KIAA0513: variants seen among roughly 807,000 people sequenced by gnomAD.
KIAA0513 encodes KIAA0513, also known as uncharacterized protein KIAA0513.
KIAA0513 carries 39 observed loss-of-function variants against 56.5 expected under a neutral mutation model. The ratio of observed to expected loss-of-function variants is 0.69; its 90% confidence interval spans 0.53 to 0.90. The LOEUF (loss-of-function observed/expected upper bound fraction) is 0.90, where lower values mean the gene tolerates loss of function less well. Ranked by LOEUF, KIAA0513 falls within the 40% of genes least tolerant of loss-of-function variation. KIAA0513 has a pLI of 0.00. For missense variants in KIAA0513, 591 were observed against 535.2 expected (o/e 1.10, Z -1.03); for synonymous variants, 268 against 215.6 (o/e 1.24, Z -2.13).
At chr16:85,088,003 G>C (rs1025486075) in intron 12 of KIAA0513, among the ~76,000 whole-genome samples, 1 of 152,250 alleles carries the variant, frequency 6.6e-6, no homozygotes, top group African/African-American at 2.4e-5. Flanking sequence ...TTCATAAGAA[G>C]GTGCGTTTCC....
At chr16:85,058,072 C>T (rs745775245) in intron 1 of KIAA0513, among the ~76,000 whole-genome samples, 1 of 152,216 alleles carries the variant, frequency 6.6e-6, no homozygotes, top group Non-Finnish European at 1.5e-5. Context: ...TCTCCCTCCC[C>T]GGTGACTACA....
intron 1 of KIAA0513, among the ~76,000 whole-genome samples, chr16:85,030,352 G>A (rs975993396): frequency 6.6e-6 from 1 of 152,178 alleles, no homozygotes; most frequent in African/African-American, 2.4e-5. Context: ...GAGAAATGCG[G>A]TGGTTGTGAA....
rs111767607 is a variant in KIAA0513 at position 85,078,865 on chromosome 16, G to T, written c.824-60G>T. Reference sequence around the variant, plus strand: ...GGCTGCTGGGAGGCTGTCACCCGGGGTTTGCCAACAGTGGGTGCGCAACCA... The same window carrying T: ...GGCTGCTGGGAGGCTGTCACCCGGGTTTTGCCAACAGTGGGTGCGCAACCA... On this transcript the variant is annotated intron_variant, in intron 7 of 12. Transcript: ENST00000683363. 4,448 of 1,581,834 alleles carry T rather than the reference G, an allele frequency of 2.8e-3. 115 individuals are homozygous for T. In the African/African-American group the frequency reaches 0.052, roughly 19 times the overall value.
At chr16:85,070,769 C>A (rs2073561711) in intron 2 of KIAA0513, among the ~76,000 whole-genome samples, 1 of 152,156 alleles carries the variant, frequency 6.6e-6, no homozygotes, top group Non-Finnish European at 1.5e-5. Flanking sequence ...TTTGTTTGAC[C>A]AACACTGAGA....
At chr16:85,038,105 G>C (rs1329644611) in intron 1 of KIAA0513, among the ~76,000 whole-genome samples, 1 of 152,196 alleles carries the variant, frequency 6.6e-6, no homozygotes, top group African/African-American at 2.4e-5. Context: ...GCTGGTCCCT[G>C]TAGCCCTCCC....
intron 1 of KIAA0513, among the ~76,000 whole-genome samples, chr16:85,066,449 C>A (rs561559479): frequency 2.0e-4 from 30 of 152,250 alleles, no homozygotes; most frequent in Non-Finnish European, 3.8e-4. Flanking sequence ...TTGACGAGAA[C>A]AGAGCCCAGG....
At chr16:85,055,100 T>A (rs2073310000) in intron 1 of KIAA0513, among the ~76,000 whole-genome samples, 1 of 152,002 alleles carries the variant, frequency 6.6e-6, no homozygotes, top group Non-Finnish European at 1.5e-5. Flanking sequence ...TTTAGTTTAT[T>A]TTTTTTAGAG....
rs929332065 is a variant in KIAA0513 at position 85,088,552 on chromosome 16, G to A, written c.*227G>A. 8 of 563,870 alleles carry A rather than the reference G, an allele frequency of 1.4e-5. No individual in the cohort carries two copies. The African/African-American group carries it at 1.5e-4, about 11-fold the overall frequency. 34.9% of individuals were successfully genotyped at this position (563,870 alleles called of 1,614,324 possible). On this transcript the variant is annotated 3_prime_UTR_variant, in exon 13 of 13. Coordinates refer to ENST00000683363, the MANE Select transcript of KIAA0513 (RefSeq NM_001388359.1). The stretch of plus-strand genomic sequence containing the variant: ...GCCAAAGTGTCCCTTGGGTCACACA[G>A]CTAAAGCCGAGGTGACCAGTTGTAC...
intron 1 of KIAA0513, among the ~76,000 whole-genome samples, chr16:85,033,396 C>G (rs1273404859): frequency 6.6e-6 from 1 of 152,234 alleles, no homozygotes. Flanking sequence ...TGATTCCCTT[C>G]TTTTGCGTTT....
chr16:85,053,003 T>A (rs1487025353), intron 1 of KIAA0513, among the ~76,000 whole-genome samples: 1 of 152,142 alleles, frequency 6.6e-6, no homozygotes, highest in African/African-American at 2.4e-5. Flanking sequence ...TTCTCTTGCC[T>A]CAGCCTCCCA....
chr16:85,081,225 C>T lies in KIAA0513; in HGVS notation c.903-90C>T. On this transcript the variant is annotated intron_variant, in intron 8 of 12. Coordinates refer to ENST00000683363, the MANE Select transcript of KIAA0513 (RefSeq NM_001388359.1). This position sits in a 1 kb window ranked among gnomAD's most constrained non-coding sequence, Gnocchi z 4.4. ...CTTAGAAGCTCAGACAGATGTGAGA[C>T]ACTGCCCTTGTTTATCCCTCAAGGG... 1.8e-6 allele frequency: 2 copies of T among 1,135,730 alleles called. No individual in the cohort carries two copies. The highest frequency in any genetic ancestry group is 1.3e-6 in the Non-Finnish European group (1 of 748,386). The allele number at this position is 1,135,730 out of a possible 1,614,324, so 70.4% of individuals were successfully genotyped here.
At chr16:85,047,611 T>A (rs1052356506) in intron 1 of KIAA0513, among the ~76,000 whole-genome samples, 1 of 152,204 alleles carries the variant, frequency 6.6e-6, no homozygotes, top group East Asian at 1.9e-4. Context: ...CTGCTGGCAC[T>A]GTCACTGTTG....
At chr16:85,031,577 A>G (rs948589457) in intron 1 of KIAA0513, among the ~76,000 whole-genome samples, 2 of 152,200 alleles carry the variant, frequency 1.3e-5, no homozygotes, top group Admixed American at 1.3e-4. Context: ...ACAGGTGCTG[A>G]CTGACCCTGC....
Position 85,073,010 on chromosome 16 carries a change from C to G in KIAA0513, c.503+12C>G. 1 of 1,611,040 alleles carries G rather than the reference C, an allele frequency of 6.2e-7. No homozygotes were observed. Among genetic ancestry groups the G allele is most frequent in the Non-Finnish European group, 8.5e-7 (1 of 1,177,464 alleles). On this transcript the variant is annotated intron_variant, in intron 4 of 12. Transcript: ENST00000683363. ...GTGGTGCTGTTCGAGTAAGTAATGC[C>G]GTGGCACAAAGCCTTTGTCCTGGCA...
intron 1 of KIAA0513, among the ~76,000 whole-genome samples, chr16:85,031,545 C>T (rs1175101563): frequency 6.6e-6 from 1 of 152,228 alleles, no homozygotes; most frequent in Non-Finnish European, 1.5e-5. Flanking sequence ...TTCCCAGGAC[C>T]TTGGTCAACT....
intron 1 of KIAA0513, among the ~76,000 whole-genome samples, chr16:85,048,959 A>T (rs1482902241): frequency 6.6e-6 from 1 of 152,176 alleles, no homozygotes; most frequent in Non-Finnish European, 1.5e-5. Flanking sequence ...AGCCTCAGCA[A>T]AGGTGCAGTG....
rs1040148403 is a variant in KIAA0513, at chr16:85,089,425, A to C, written c.*1100A>C. On this transcript the variant is annotated 3_prime_UTR_variant, in exon 13 of 13. Transcript: ENST00000683363. The surrounding 1 kb of genome is among the most constrained non-coding windows in gnomAD (Gnocchi z 4.2). The stretch of plus-strand genomic sequence containing the variant: ...TCTGCAGAGACTCCCTTCACCTCGC[A>C]CTTACTGCCTGGGAACCACGGCCCT... 6.6e-6 allele frequency: 1 copy of C among 152,644 alleles called. No individual in the cohort carries two copies. The allele number at this position is 152,644 out of a possible 1,614,324, so 9.5% of individuals were successfully genotyped here. A position where few individuals can be genotyped will look rare whatever the true frequency, so the allele number is the denominator to read the frequency against.
At chr16:85,087,393 G>A (rs941292677) in intron 12 of KIAA0513, among the ~76,000 whole-genome samples, 9 of 152,318 alleles carry the variant, frequency 5.9e-5, no homozygotes, top group Middle Eastern at 3.4e-3. Context: ...ATGGGATTGC[G>A]GGCATTGGGG....
chr16:85,049,366 G>A (rs62048459), intron 1 of KIAA0513, among the ~76,000 whole-genome samples: 61,018 of 152,106 alleles, frequency 0.4, 13,681 homozygotes, highest in African/African-American at 0.61. Context: ...TCCAAAGACG[G>A]TGGAGGTTGG....
Sources: allele counts gnomAD v4.1 joint callset (sites outside exome capture counted in the v4.1 genomes callset), GRCh38; gene constraint gnomAD v4.1.1; non-coding constraint Gnocchi (gnomAD v3.1); transcripts MANE v1.5; gene names NCBI Gene and HGNC (gene_info 2026-07-23, HGNC 2026-07-21).